PDS5B: variants seen among roughly 807,000 people sequenced by gnomAD.
The protein encoded by PDS5B is PDS5 cohesin associated factor B, also known as sister chromatid cohesion protein PDS5 homolog B.
In PDS5B, 51 loss-of-function variants were observed where a neutral mutation model predicts 184.1. The observed-to-expected ratio is 0.28, with a 90% confidence interval of 0.22 to 0.35. The LOEUF (loss-of-function observed/expected upper bound fraction) is 0.35, where lower values mean the gene tolerates loss of function less well. PDS5B is among the 10% of genes least tolerant of loss of function. The probability of loss-of-function intolerance (pLI) is 1.00; values close to 1 mark genes in which losing one functional copy is unlikely to be tolerated. For missense variants in PDS5B, 1,180 were observed against 1,723.3 expected (o/e 0.68, Z 5.58); for synonymous variants, 566 against 569.2 (o/e 0.99, Z 0.08).
At chr13:32,611,808 T>A (rs2058146935) in intron 1 of PDS5B, among the ~76,000 whole-genome samples, 2 of 151,204 alleles carry the variant, frequency 1.3e-5, no homozygotes, top group Admixed American at 1.3e-4. Flanking sequence ...GGTGCCTGGT[T>A]CTCACTGCCC....
chr13:32,682,545 T>C (rs1248305441), intron 10 of PDS5B, among the ~76,000 whole-genome samples: 3 of 152,176 alleles, frequency 2.0e-5, no homozygotes, highest in Admixed American at 2.0e-4. Flanking sequence ...GTTATCTGGG[T>C]TGTTTCTGAT....
At chr13:32,731,958 C>A in intron 19 of PDS5B, 143 bp from the exon 20 acceptor site, 1 of 561,268 alleles carries the variant, frequency 1.8e-6, no homozygotes, top group Non-Finnish European at 3.1e-6. Flanking sequence ...AAATCATAGG[C>A]CTTTGGAAGT....
intron 19 of PDS5B, among the ~76,000 whole-genome samples, chr13:32,724,942 A>C (rs536467381): frequency 6.6e-6 from 1 of 152,306 alleles, no homozygotes; most frequent in South Asian, 2.1e-4. Flanking sequence ...TTCTGGTTCA[A>C]CTTTTTTATT....
intron 21 of PDS5B, among the ~76,000 whole-genome samples, chr13:32,740,045 A>G (rs529465456): frequency 1.3e-5 from 2 of 152,134 alleles, no homozygotes; most frequent in African/African-American, 4.8e-5. Flanking sequence ...TTTCTTGTGA[A>G]TTAAATAGTG....
chr13:32,734,731 C>G (rs1394191075), intron 20 of PDS5B, among the ~76,000 whole-genome samples: 1 of 152,144 alleles, frequency 6.6e-6, no homozygotes, highest in Non-Finnish European at 1.5e-5. Flanking sequence ...CATTTTACTC[C>G]CACTCTCTTG....
chr13:32,636,729 C>G (rs756253412), intron 1 of PDS5B, among the ~76,000 whole-genome samples: 2 of 152,164 alleles, frequency 1.3e-5, no homozygotes, highest in Non-Finnish European at 2.9e-5. Context: ...ATTAGGATCC[C>G]TAAACTTTTC....
chr13:32,656,077 T>C (rs548896718), intron 3 of PDS5B, among the ~76,000 whole-genome samples: 1 of 152,304 alleles, frequency 6.6e-6, no homozygotes, highest in South Asian at 2.1e-4. Context: ...ATTTATTGAA[T>C]AGGGAGTCCT....
At chr13:32,740,983 G>A in intron 21 of PDS5B, 97 bp from the exon 22 acceptor site, 1 of 713,642 alleles carries the variant, frequency 1.4e-6, no homozygotes, top group South Asian at 1.7e-5. Flanking sequence ...CACTGCAGAA[G>A]GTACAGATTT....
chr13:32,676,043 G>T, intron 9 of PDS5B, 84 bp downstream of exon 9: 1 of 696,658 alleles, frequency 1.4e-6, no homozygotes, highest in Non-Finnish European at 2.5e-6. Context: ...CATTTAAACT[G>T]TGTTCTCTGG....
Position 32,746,063 on chromosome 13 carries a change from C to G in PDS5B, c.2699C>G (p.Thr900Arg). 6.2e-7 allele frequency: 1 copy of G among 1,613,428 alleles called. No individual in the cohort carries two copies. The highest frequency in any genetic ancestry group is 8.5e-7 in the Non-Finnish European group (1 of 1,179,412). Residue 900 changes from threonine (T) to arginine (R), a missense_variant, in exon 24 of 35, where the codon ACA becomes AGA. Physicochemically the swap from Thr to Arg is moderately conservative, Grantham distance 71 (BLOSUM62 -1). This residue lies in a region of PDS5B where 40 missense variants were observed against 107.2 expected (regional missense o/e 0.37). Transcript: ENST00000315596. ...GAACCCTGTTACCATGAAATCATCA[C>G]ATTAGAACAATATCAGCTATGTGCA... is the stretch of plus-strand genomic sequence containing the variant. ...AQEPCYHEII[T>R]LEQYQLCALA...
At chr13:32,733,332 T>C (rs1018563174) in intron 20 of PDS5B, among the ~76,000 whole-genome samples, 4 of 152,168 alleles carry the variant, frequency 2.6e-5, no homozygotes, top group Admixed American at 2.0e-4. Context: ...CTTAGAAATA[T>C]CTGGCATTTT....
intron 19 of PDS5B, among the ~76,000 whole-genome samples, chr13:32,723,127 ACT>A (rs917290118): frequency 2.0e-5 from 3 of 152,350 alleles, no homozygotes; most frequent in African/African-American, 7.2e-5. Flanking sequence ...CTATACATAC[ACT>A]GAGAGCTATG....
chr13:32,596,150 T>C (rs551205398), intron 1 of PDS5B, among the ~76,000 whole-genome samples: 2 of 152,342 alleles, frequency 1.3e-5, no homozygotes, highest in Non-Finnish European at 2.9e-5. Context: ...TATACACATG[T>C]AACCAATAAC....
chr13:32,620,087 A>G (rs763396784), intron 1 of PDS5B, among the ~76,000 whole-genome samples: 31 of 152,048 alleles, frequency 2.0e-4, no homozygotes, highest in African/African-American at 3.1e-4. Context: ...TCATGAGCCA[A>G]TGCACCCGGC....
chr13:32,692,414 C>CTATTTTT (rs1593440334), intron 13 of PDS5B, among the ~76,000 whole-genome samples: 3 of 69,124 alleles, frequency 4.3e-5, no homozygotes, highest in African/African-American at 1.5e-4. Flanking sequence ...GTCCAAAAAG[C>CTATTTTT]CTTTTTTTTT....
At chr13:32,703,490 T>A (rs1044160974) in intron 17 of PDS5B, among the ~76,000 whole-genome samples, 1 of 152,166 alleles carries the variant, frequency 6.6e-6, no homozygotes, top group Non-Finnish European at 1.5e-5. Flanking sequence ...CTGGTGTTAC[T>A]CTAAGAATTT....
chr13:32,648,972 C>T lies in PDS5B; in HGVS notation c.108+92C>T, dbSNP rs148579641. 7.7e-5 allele frequency: 56 copies of T among 725,834 alleles called. No individual in the cohort carries two copies. In the East Asian group the frequency reaches 1.4e-3, roughly 18 times the overall value. The allele number at this position is 725,834 out of a possible 1,614,324, so 45.0% of individuals were successfully genotyped here. A position where few individuals can be genotyped will look rare whatever the true frequency, so the allele number is the denominator to read the frequency against. ...GCTATAATGTATCTTGTTGGGGTAA[C>T]TTAAAAAAGCAAAGCAAAGCAGCAA... On this transcript the variant is annotated intron_variant, in intron 2 of 34. Coordinates refer to ENST00000315596, the MANE Select transcript of PDS5B (RefSeq NM_015032.4).
chr13:32,633,397 G>A (rs9591191), intron 1 of PDS5B, among the ~76,000 whole-genome samples: 56,787 of 152,038 alleles, frequency 0.37, 11,003 homozygotes, highest in Non-Finnish European at 0.43. Flanking sequence ...TGTGAATTCT[G>A]TCTTAATAAA....
Position 32,673,606 on chromosome 13 carries a change from A to G in PDS5B, c.846+250A>G, listed in dbSNP as rs74552495. Among the ~76,000 whole-genome samples, 934 of 152,250 alleles carry G rather than the reference A, an allele frequency of 6.1e-3. 17 individuals are homozygous for G. Among genetic ancestry groups the G allele is most frequent in the African/African-American group, 0.022 (901 of 41,538 alleles). On this transcript the variant is annotated intron_variant, in intron 8 of 34. Transcript: ENST00000315596. ...TTTCCTCCAGACATTTTCCAGATAA[A>G]TTCTAGGATTTGACTAACTTTTGAA...
Sources: gnomAD v4.1 joint callset for allele counts (sites outside exome capture counted in the v4.1 genomes callset) on GRCh38, gnomAD v4.1.1 for gene constraint, gnomAD v4.1.1 regional missense constraint, MANE v1.5 for transcripts, NCBI Gene and HGNC (gene_info 2026-07-23, HGNC 2026-07-21) for gene names.